TLCD3A: variants seen among roughly 807,000 people sequenced by gnomAD.
TLCD3A encodes TLC domain containing 3A.
In TLCD3A, 17 loss-of-function variants were observed where a neutral mutation model predicts 29.9. The ratio of observed to expected loss-of-function variants is 0.57; its 90% CI spans 0.39 to 0.85. The LOEUF is 0.85. TLCD3A is among the 40% of genes least tolerant of loss of function. The pLI is 0.00. For synonymous variants in TLCD3A, 143 were observed against 147.7 expected, an observed-to-expected ratio of 0.97 and a Z score of 0.23; for missense variants, 332 against 350.8, an observed-to-expected ratio of 0.95 and a Z score of 0.43.
rs972265779 is a variant in TLCD3A, at chr17:736,184, C to T, written c.207-1662C>T. Reference sequence around the variant, plus strand: ...TGCAGTTCAGCGGACTGGCTGCGTCCGAAATCAGAGACAAAGTTAATACAG... The same window carrying T: ...TGCAGTTCAGCGGACTGGCTGCGTCTGAAATCAGAGACAAAGTTAATACAG... On this transcript the variant is annotated intron_variant, in intron 2 of 4. Transcript: ENST00000308278. Among the ~76,000 whole-genome samples the T allele has an allele frequency of 1.1e-4, 17 of 152,008 alleles. No homozygotes were observed. The East Asian group carries it at 1.3e-3, about 12-fold the overall frequency.
chr17:739,248 G>A (rs141868692), intron 3 of TLCD3A, among the ~76,000 whole-genome samples: 37 of 152,110 alleles, frequency 2.4e-4, no homozygotes, highest in African/African-American at 8.9e-4. Flanking sequence ...TGCCCAGGCT[G>A]GAGTGCAATG....
At chr17:735,264 G>A (rs948291597) in intron 2 of TLCD3A, among the ~76,000 whole-genome samples, 6 of 151,902 alleles carry the variant, frequency 3.9e-5, no homozygotes, top group South Asian at 2.1e-4. Flanking sequence ...CATCCGCCTC[G>A]GCCTCCCAAA....
intron 2 of TLCD3A, among the ~76,000 whole-genome samples, chr17:736,448 A>T (rs190800067): frequency 1.6e-4 from 24 of 152,304 alleles, no homozygotes; most frequent in East Asian, 1.4e-3. Context: ...ATCACTGGGA[A>T]CCACATTGTA....
Position 741,735 on chromosome 17 carries a change from C to G in TLCD3A, c.*165C>G. Reference sequence around the variant, plus strand: ...TATTACCTCCTTCTTCTAACTTGCCCTATTTGCAAAAGCACTTTTGTAGTA... The same window carrying G: ...TATTACCTCCTTCTTCTAACTTGCCGTATTTGCAAAAGCACTTTTGTAGTA... On this transcript the variant is annotated 3_prime_UTR_variant, in exon 5 of 5. Transcript: ENST00000308278. The G allele has an allele frequency of 2.3e-6, 2 of 880,772 alleles. No individual in the cohort carries two copies. The highest frequency in any genetic ancestry group is 1.7e-5 in the African/African-American group (1 of 59,062). The allele number at this position is 880,772 out of a possible 1,614,324, so 54.6% of individuals were successfully genotyped here. A position where few individuals can be genotyped will look rare whatever the true frequency, so the allele number is the denominator to read the frequency against.
At position 737,954 on chromosome 17, in the gene TLCD3A, G is replaced by T. The variant is rs35690935; in HGVS notation, c.315G>T (p.Ala105=). The T allele has an allele frequency of 6.2e-7, 1 of 1,613,958 alleles. No individual in the cohort carries two copies. Among genetic ancestry groups the T allele is most frequent in the Admixed American group, 1.7e-5 (1 of 59,996 alleles). ...EWCRTRDQNR[A]PSLTLRNFLS... is the part of the protein sequence containing the mutation. ...GCCGAACCAGAGACCAGAACCGTGC[G>T]CCCTCCCTCACTCTTCGAAACTTCC... The change falls in exon 3 of 5, where the codon GCG becomes GCT. Residue 105 remains alanine, a synonymous_variant. Transcript: ENST00000308278.
rs980509117 is a variant in TLCD3A, at chr17:741,170, G to T, written c.505-131G>T. 3 of 857,292 alleles carry T rather than the reference G, an allele frequency of 3.5e-6. No homozygotes were observed. The African/African-American group carries it at 5.1e-5, about 14-fold the overall frequency. 53.1% of individuals were successfully genotyped at this position (857,292 alleles called of 1,614,324 possible). A position where few individuals can be genotyped will look rare whatever the true frequency, so the allele number is the denominator to read the frequency against. ...ACTAGACAAACGTCTGGGCGCCAGG[G>T]AATCTGACAGCCAAGGTCTTGATGA... On this transcript the variant is annotated intron_variant, in intron 4 of 4. Coordinates refer to ENST00000308278, the MANE Select transcript of TLCD3A (RefSeq NM_024792.3).
In TLCD3A at chr17:742,034, C is replaced by G. The variant is rs945668208; in HGVS notation, c.*464C>G. On this transcript the variant is annotated 3_prime_UTR_variant, in exon 5 of 5. Transcript: ENST00000308278. ...AAGTAATGTCGTCTTGTGACATTGGCCTGGGACAATCATTGTGGGTAGGTA... is the reference window on the plus strand; with the variant it reads ...AAGTAATGTCGTCTTGTGACATTGGGCTGGGACAATCATTGTGGGTAGGTA... 3 of 191,076 alleles carry G rather than the reference C, an allele frequency of 1.6e-5. No homozygotes were observed. Among genetic ancestry groups the G allele is most frequent in the Non-Finnish European group, 3.3e-5 (3 of 91,844 alleles). 11.8% of individuals were successfully genotyped at this position (191,076 alleles called of 1,614,324 possible). A position where few individuals can be genotyped will look rare whatever the true frequency, so the allele number is the denominator to read the frequency against.
intron 1 of TLCD3A, 161 bp downstream of exon 1, chr17:732,930 C>T (rs1167065661): frequency 2.6e-5 from 36 of 1,384,232 alleles, no homozygotes; most frequent in Non-Finnish European, 3.2e-5. Flanking sequence ...CCGCGTCCTC[C>T]CCTGGCGGGA....
intron 4 of TLCD3A, 29 bp downstream of exon 4, chr17:740,629 T>G (rs1301141427): frequency 1.3e-6 from 2 of 1,584,864 alleles, no homozygotes; most frequent in Non-Finnish European, 1.7e-6. Flanking sequence ...ACAGAGAGTG[T>G]GAGGGTTCTG....
chr17:732,870 C>T, intron 1 of TLCD3A, 101 bp downstream of exon 1: 2 of 1,372,246 alleles, frequency 1.5e-6, no homozygotes, highest in Non-Finnish European at 1.9e-6. Context: ...GGCAGGAAGC[C>T]CGGGGGCTGC....
At chr17:734,856 C>A (rs1275503814) in intron 2 of TLCD3A, among the ~76,000 whole-genome samples, 1 of 151,682 alleles carries the variant, frequency 6.6e-6, no homozygotes, top group South Asian at 2.1e-4. Flanking sequence ...TCAGATAGTA[C>A]GTTGTTGTTT....
intron 3 of TLCD3A, among the ~76,000 whole-genome samples, chr17:740,060 A>AAAAT (rs1410002136): frequency 2.0e-5 from 3 of 152,210 alleles, no homozygotes; most frequent in Non-Finnish European, 2.9e-5. Context: ...AAATAAAAAT[A>AAAAT]AAATAAATAA....
intron 2 of TLCD3A, among the ~76,000 whole-genome samples, chr17:736,094 G>T (rs1974150553): frequency 1.3e-5 from 2 of 151,892 alleles, no homozygotes; most frequent in Non-Finnish European, 2.9e-5. Context: ...TTACGCCGTG[G>T]TAAGTGTGGA....
intron 2 of TLCD3A, among the ~76,000 whole-genome samples, chr17:737,160 C>T (rs372525508): frequency 1.8e-4 from 28 of 152,024 alleles, no homozygotes; most frequent in East Asian, 5.8e-4. Flanking sequence ...TACAGGTGTG[C>T]GCCACCACAT....
At chr17:734,712 G>A (rs778555736) in intron 2 of TLCD3A, among the ~76,000 whole-genome samples, 1 of 152,140 alleles carries the variant, frequency 6.6e-6, no homozygotes, top group Non-Finnish European at 1.5e-5. Flanking sequence ...TTAGATAGAA[G>A]GAGTTAAAAA....
chr17:740,220 T>C (rs1320208159), intron 3 of TLCD3A, among the ~76,000 whole-genome samples: 1 of 152,198 alleles, frequency 6.6e-6, no homozygotes, highest in Non-Finnish European at 1.5e-5. Flanking sequence ...TTGGCATGAC[T>C]AAGTTCGATA....
At chr17:740,790 T>G (rs987175020) in intron 4 of TLCD3A, among the ~76,000 whole-genome samples, 190 bp downstream of exon 4, 1 of 152,208 alleles carries the variant, frequency 6.6e-6, no homozygotes, top group Admixed American at 6.5e-5. Context: ...CATGCATGAA[T>G]GAAATGGCAG....
chr17:735,008 G>T (rs1358198023), intron 2 of TLCD3A, among the ~76,000 whole-genome samples: 4 of 150,042 alleles, frequency 2.7e-5, no homozygotes, highest in Admixed American at 2.0e-4. Flanking sequence ...ACATTTAAAA[G>T]GACTCCCCCT....
In TLCD3A at chr17:741,831, T is replaced by G; in HGVS notation, c.*261T>G. On this transcript the variant is annotated 3_prime_UTR_variant, in exon 5 of 5. Coordinates refer to ENST00000308278, the MANE Select transcript of TLCD3A (RefSeq NM_024792.3). Reference sequence around the variant, plus strand: ...TTAATGCAAGCCCAAGGATCCTTCTTAAGGTCTTATCTCAAGAGCTCTGGG... The same window carrying G: ...TTAATGCAAGCCCAAGGATCCTTCTGAAGGTCTTATCTCAAGAGCTCTGGG... 1 of 501,660 alleles carries G rather than the reference T, an allele frequency of 2.0e-6. No individual in the cohort carries two copies. Among genetic ancestry groups the G allele is most frequent in the Non-Finnish European group, 3.6e-6 (1 of 276,914 alleles). 31.1% of individuals were successfully genotyped at this position (501,660 alleles called of 1,614,324 possible).
Sources: allele counts gnomAD v4.1 joint callset (sites outside exome capture counted in the v4.1 genomes callset), GRCh38; gene constraint gnomAD v4.1.1; transcripts MANE v1.5; gene names NCBI Gene and HGNC (gene_info 2026-07-23, HGNC 2026-07-21).